The following NELL1 variants were observed in gnomAD, a reference collection of about 807,000 sequenced individuals.
The protein encoded by NELL1 is neural EGFL like 1.
Under a neutral mutation model 107.4 loss-of-function variants are expected in NELL1, and 76 were observed. The ratio of observed to expected loss-of-function variants is 0.71; its 90% CI spans 0.59 to 0.86. The LOEUF (loss-of-function observed/expected upper bound fraction) is 0.86, where lower values mean the gene tolerates loss of function less well. Ranked by LOEUF, NELL1 falls within the 40% of genes least tolerant of loss-of-function variation. The pLI, the probability that NELL1 is intolerant of heterozygous loss-of-function variation, is 0.00. For synonymous variants in NELL1, 353 were observed against 341.2 expected, an observed-to-expected ratio of 1.03 and a Z score of -0.38; for missense variants, 1,024 against 1,005.5, an observed-to-expected ratio of 1.02 and a Z score of -0.25.
intron 12 of NELL1, among the ~76,000 whole-genome samples, chr11:20,966,984 A>T (rs1851399474): frequency 6.6e-6 from 1 of 152,240 alleles, no homozygotes; most frequent in Non-Finnish European, 1.5e-5. Flanking sequence ...AATGAACCCC[A>T]GTCAAACTAA....
At chr11:21,144,382 T>G (rs1450325325) in intron 13 of NELL1, among the ~76,000 whole-genome samples, 1 of 152,200 alleles carries the variant, frequency 6.6e-6, no homozygotes, top group Non-Finnish European at 1.5e-5. Context: ...ATGTGAAATA[T>G]GCATGCATGT....
intron 13 of NELL1, among the ~76,000 whole-genome samples, chr11:21,148,378 G>A (rs1432770213): frequency 6.6e-6 from 1 of 152,110 alleles, no homozygotes; most frequent in Non-Finnish European, 1.5e-5. Context: ...TGGATACTGG[G>A]AGAGACTGGT....
At chr11:21,166,414 T>A (rs1184786196) in intron 13 of NELL1, among the ~76,000 whole-genome samples, 1 of 151,898 alleles carries the variant, frequency 6.6e-6, no homozygotes, top group East Asian at 1.9e-4. Flanking sequence ...CAAATTAATT[T>A]AAAATGACTA....
intron 3 of NELL1, among the ~76,000 whole-genome samples, chr11:20,814,549 G>A (rs1018735500): frequency 5.3e-5 from 8 of 152,196 alleles, no homozygotes; most frequent in African/African-American, 1.9e-4. Context: ...AACATGCAGT[G>A]TTTGGTTTTC....
At chr11:21,505,767 C>T (rs547234901) in intron 15 of NELL1, among the ~76,000 whole-genome samples, 1 of 152,302 alleles carries the variant, frequency 6.6e-6, no homozygotes, top group South Asian at 2.1e-4. Context: ...TAATCATCCC[C>T]TCTGCTATAA....
intron 14 of NELL1, among the ~76,000 whole-genome samples, chr11:21,340,675 T>TGA (rs374342751): frequency 2.3e-5 from 3 of 133,132 alleles, no homozygotes; most frequent in Non-Finnish European, 3.2e-5. Flanking sequence ...TGAGAGAGAA[T>TGA]GAGAGAGAGA....
At chr11:21,454,978 T>C (rs1284132395) in intron 15 of NELL1, among the ~76,000 whole-genome samples, 2 of 152,244 alleles carry the variant, frequency 1.3e-5, no homozygotes, top group Non-Finnish European at 2.9e-5. Context: ...TTTACTCACA[T>C]ATTTACTATT....
intron 2 of NELL1, among the ~76,000 whole-genome samples, chr11:20,697,781 T>A (rs984607519): frequency 6.6e-6 from 1 of 152,106 alleles, no homozygotes; most frequent in Non-Finnish European, 1.5e-5. Flanking sequence ...GAAATGGTCT[T>A]TGGGGGAGGT....
chr11:21,504,567 ACCACAATT>A (rs965173792), intron 15 of NELL1, among the ~76,000 whole-genome samples: 2 of 152,178 alleles, frequency 1.3e-5, no homozygotes, highest in Non-Finnish European at 2.9e-5. Flanking sequence ...CTTGATGCTT[ACCACAATT>A]TACCTATAAT....
At chr11:21,172,602 G>A (rs1387802702) in intron 13 of NELL1, among the ~76,000 whole-genome samples, 2 of 151,570 alleles carry the variant, frequency 1.3e-5, no homozygotes, top group African/African-American at 2.4e-5. Flanking sequence ...TACCTTCTCC[G>A]AGGGATTAAT....
intron 12 of NELL1, among the ~76,000 whole-genome samples, chr11:21,055,154 AT>A (rs1268261489): frequency 6.6e-6 from 1 of 152,068 alleles, no homozygotes; most frequent in Non-Finnish European, 1.5e-5. Context: ...CTAATTTAAA[AT>A]GTCTTTTATT....
chr11:20,794,353 A>G (rs898770405), intron 3 of NELL1, among the ~76,000 whole-genome samples: 2 of 152,236 alleles, frequency 1.3e-5, no homozygotes, highest in Non-Finnish European at 2.9e-5. Flanking sequence ...TCTCCAGGTA[A>G]TAATCTCAAG....
chr11:21,336,361 C>G (rs1335138551), intron 14 of NELL1, among the ~76,000 whole-genome samples: 1 of 151,964 alleles, frequency 6.6e-6, no homozygotes, highest in Non-Finnish European at 1.5e-5. Context: ...CAGTGAATCA[C>G]TTGAGGTTTG....
chr11:20,762,048 G>T (rs551020601), intron 2 of NELL1, among the ~76,000 whole-genome samples: 10 of 152,320 alleles, frequency 6.6e-5, no homozygotes, highest in African/African-American at 2.4e-4. Flanking sequence ...CCGATGTAAA[G>T]TTGCCCACTT....
chr11:21,253,467 G>A lies in NELL1; in HGVS notation c.1549+24013G>A, dbSNP rs539638376. Among the ~76,000 whole-genome samples the A allele has an allele frequency of 2.6e-5, 4 of 152,138 alleles. No homozygotes were observed. In the South Asian group the frequency reaches 8.3e-4, roughly 32 times the overall value. On this transcript the variant is annotated intron_variant, in intron 14 of 19. Coordinates refer to ENST00000357134, the MANE Select transcript of NELL1 (RefSeq NM_006157.5). ...CTGTCTTCAACCTTGTTTTATAGAT[G>A]ATGAAACTGGGATTAAAGAAGGGAA...
intron 2 of NELL1, among the ~76,000 whole-genome samples, chr11:20,701,430 C>T (rs1398000880): frequency 2.6e-5 from 4 of 151,990 alleles, no homozygotes; most frequent in South Asian, 2.1e-4. Flanking sequence ...GTTGGGTAGA[C>T]TGTAAAATTT....
At chr11:21,528,855 A>G (rs991381760) in intron 15 of NELL1, among the ~76,000 whole-genome samples, 2 of 152,046 alleles carry the variant, frequency 1.3e-5, no homozygotes, top group African/African-American at 2.4e-5. Context: ...TTTTAGCAAA[A>G]AACTTCTTCC....
chr11:21,073,111 A>G (rs1166481677), intron 12 of NELL1, among the ~76,000 whole-genome samples: 2 of 152,144 alleles, frequency 1.3e-5, no homozygotes, highest in African/African-American at 4.8e-5. Flanking sequence ...ATGTCTTGGA[A>G]TAGAGCCTCT....
In NELL1 at chr11:21,123,334, C is replaced by CGTGT. The variant is rs142012176; in HGVS notation, c.1426+9650_1426+9653dup. On this transcript the variant is annotated intron_variant, in intron 13 of 19. Transcript: ENST00000357134. ...TTGTCAAGGAAGATGTGTGTGCCTGCGTGTGTGTGTGTGTGTGTGTGTGTG... is the reference window on the plus strand; with the variant it reads ...TTGTCAAGGAAGATGTGTGTGCCTGCGTGTGTGTGTGTGTGTGTGTGTGTGTGTG... Among the ~76,000 whole-genome samples, 217 of 132,476 alleles carry CGTGT rather than the reference C, an allele frequency of 1.6e-3. 2 individuals are homozygous for CGTGT. Among genetic ancestry groups the CGTGT allele is most frequent in the African/African-American group, 4.3e-3 (163 of 37,816 alleles). The allele number at this position is 132,476 out of a possible 152,430, so 86.9% of individuals were successfully genotyped here.
Sources: allele counts gnomAD v4.1 joint callset (sites outside exome capture counted in the v4.1 genomes callset), GRCh38; gene constraint gnomAD v4.1.1; transcripts MANE v1.5; gene names NCBI Gene and HGNC (gene_info 2026-07-23, HGNC 2026-07-21).